Variants in RORA observed in about 807,000 individuals in gnomAD.
RORA encodes the protein nuclear receptor ROR-alpha.
Under a neutral mutation model 69.5 loss-of-function variants are expected in RORA, and 7 were observed. That is an observed-to-expected ratio of 0.10 (90% CI 0.06 to 0.19). The LOEUF (loss-of-function observed/expected upper bound fraction) is 0.19. RORA is among the 10% of genes least tolerant of loss of function. The probability of loss-of-function intolerance (pLI) is 1.00; values close to 1 mark genes in which losing one functional copy is unlikely to be tolerated. For synonymous variants in RORA, 261 were observed against 240.8 expected (o/e 1.08, Z -0.78); for missense variants, 457 against 663.0 (o/e 0.69, Z 3.41).
chr15:61,208,138 G>T (rs1487086609), intron 1 of RORA, among the ~76,000 whole-genome samples: 1 of 152,198 alleles, frequency 6.6e-6, no homozygotes, highest in Non-Finnish European at 1.5e-5. Flanking sequence ...CCAAGGGTAG[G>T]AAAGGAAGAG....
At position 61,094,110 on chromosome 15, in the gene RORA, T is replaced by C. The variant is rs552301508; in HGVS notation, c.166+134943A>G. Among the ~76,000 whole-genome samples the C allele has an allele frequency of 2.6e-4, 40 of 152,286 alleles. No homozygotes were observed. In the South Asian group the frequency reaches 8.1e-3, roughly 31 times the overall value. Reference sequence around the variant, plus strand: ...TGGCAGGTCAAGATGTTGATATTCATTAGAAAGACTTAGCCTTTTCTCCTA... The same window carrying C: ...TGGCAGGTCAAGATGTTGATATTCACTAGAAAGACTTAGCCTTTTCTCCTA... On this transcript the variant is annotated intron_variant, in intron 1 of 10. Coordinates refer to ENST00000335670, the MANE Select transcript of RORA (RefSeq NM_134261.3).
Position 60,511,973 on chromosome 15 carries a change from G to T in RORA, c.425-352C>A. On this transcript the variant is annotated intron_variant, in intron 4 of 10. Coordinates refer to ENST00000335670, the MANE Select transcript of RORA (RefSeq NM_134261.3). The surrounding 1 kb of genome is among the most constrained non-coding windows in gnomAD (Gnocchi z 6.4). ...TGTTCACTCTCCCCCCGTGCAGCTG[G>T]CTTAGGCTACCTCTTTCTCTCCCAC... The T allele has an allele frequency of 4.4e-6, 1 of 226,436 alleles. No individual in the cohort carries two copies. Among genetic ancestry groups the T allele is most frequent in the South Asian group, 7.0e-5 (1 of 14,210 alleles). The allele number at this position is 226,436 out of a possible 1,614,324, so 14.0% of individuals were successfully genotyped here. A position where few individuals can be genotyped will look rare whatever the true frequency, so the allele number is the denominator to read the frequency against.
chr15:60,531,948 C>T lies in RORA; in HGVS notation c.197-97G>A. 1 of 681,058 alleles carries T rather than the reference C, an allele frequency of 1.5e-6. No homozygotes were observed. The highest frequency in any genetic ancestry group is 2.9e-5 in the East Asian group (1 of 34,036). 42.2% of individuals were successfully genotyped at this position (681,058 alleles called of 1,614,324 possible). A position where few individuals can be genotyped will look rare whatever the true frequency, so the allele number is the denominator to read the frequency against. On this transcript the variant is annotated intron_variant, in intron 2 of 10. Transcript: ENST00000335670. The surrounding 1 kb of genome is among the most constrained non-coding windows in gnomAD (Gnocchi z 4.8). ...CATTTGTATAGTGAAAACTAATAACCTGCTAAACATTATACTGCATTAACT... is the reference window on the plus strand; with the variant it reads ...CATTTGTATAGTGAAAACTAATAACTTGCTAAACATTATACTGCATTAACT...
At chr15:60,855,702 C>T (rs1169844526) in intron 1 of RORA, among the ~76,000 whole-genome samples, 4 of 152,336 alleles carry the variant, frequency 2.6e-5, no homozygotes, top group South Asian at 4.1e-4. Context: ...CTCACTGCAG[C>T]CTCCGCCTCC....
intron 1 of RORA, among the ~76,000 whole-genome samples, chr15:60,855,496 T>C (rs1241796141): frequency 1.3e-5 from 2 of 152,218 alleles, no homozygotes; most frequent in Non-Finnish European, 1.5e-5. Context: ...ACAGCAGAAT[T>C]AGAGGCAGTG....
At chr15:61,021,908 G>C (rs1895545495) in intron 1 of RORA, among the ~76,000 whole-genome samples, 1 of 152,206 alleles carries the variant, frequency 6.6e-6, no homozygotes, top group Non-Finnish European at 1.5e-5. Flanking sequence ...CTGGGATTTT[G>C]AGGGCGGGCA....
At chr15:61,019,825 C>T (rs574062204) in intron 1 of RORA, among the ~76,000 whole-genome samples, 1 of 152,192 alleles carries the variant, frequency 6.6e-6, no homozygotes, top group Admixed American at 6.5e-5. Flanking sequence ...TGGCTGGTCA[C>T]TGACGGGGCC....
chr15:61,007,514 G>T (rs567884495), intron 1 of RORA, among the ~76,000 whole-genome samples: 120 of 151,964 alleles, frequency 7.9e-4, no homozygotes, highest in Non-Finnish European at 1.4e-3. Flanking sequence ...CAATACGTTT[G>T]TGTTGTTTTG....
chr15:60,517,930 C>G (rs1345429555), intron 3 of RORA, among the ~76,000 whole-genome samples: 1 of 152,216 alleles, frequency 6.6e-6, no homozygotes, highest in Non-Finnish European at 1.5e-5. Context: ...GATATCTCTT[C>G]TGACGACCAA....
intron 1 of RORA, among the ~76,000 whole-genome samples, chr15:60,954,693 A>C (rs1388796225): frequency 6.6e-6 from 1 of 152,216 alleles, no homozygotes; most frequent in Non-Finnish European, 1.5e-5. Flanking sequence ...TGAAATGCCA[A>C]ATCTTCTTGA....
intron 1 of RORA, among the ~76,000 whole-genome samples, chr15:60,861,049 C>T (rs2073431642): frequency 6.6e-6 from 1 of 152,138 alleles, no homozygotes; most frequent in Non-Finnish European, 1.5e-5. Context: ...TATCCTTGAC[C>T]ATCATGCTCC....
At chr15:60,692,853 C>G (rs952676951) in intron 1 of RORA, among the ~76,000 whole-genome samples, 1 of 152,196 alleles carries the variant, frequency 6.6e-6, no homozygotes, top group Admixed American at 6.5e-5. Flanking sequence ...GGATTTACAG[C>G]TGAATTCTAC....
intron 2 of RORA, among the ~76,000 whole-genome samples, chr15:60,591,279 TGCGGGCGCACAA>T (rs1249456553): frequency 6.6e-6 from 1 of 152,106 alleles, no homozygotes; most frequent in Non-Finnish European, 1.5e-5. Flanking sequence ...GCGAGGAACC[TGCGGGCGCACAA>T]GCGGGCGGCG....
chr15:61,108,652 C>T (rs2078974095), intron 1 of RORA, among the ~76,000 whole-genome samples: 1 of 152,162 alleles, frequency 6.6e-6, no homozygotes, highest in Non-Finnish European at 1.5e-5. Flanking sequence ...CTAAAATGCA[C>T]AGTATCAAAA....
chr15:61,045,720 G>C lies in RORA; in HGVS notation c.166+183333C>G, dbSNP rs782943. Among the ~76,000 whole-genome samples, 347 of 152,322 alleles carry C rather than the reference G, an allele frequency of 2.3e-3. 1 individual carries two copies. Among genetic ancestry groups the C allele is most frequent in the African/African-American group, 7.9e-3 (330 of 41,558 alleles). On this transcript the variant is annotated intron_variant, in intron 1 of 10. Coordinates refer to ENST00000335670, the MANE Select transcript of RORA (RefSeq NM_134261.3). ...GAGAGGCTGGGCCTCAAGGCATACT[G>C]CAGTGTCCAGCAAATCAAAAATCTG...
intron 1 of RORA, among the ~76,000 whole-genome samples, chr15:61,090,512 A>G (rs1278156876): frequency 6.6e-6 from 1 of 152,224 alleles, no homozygotes; most frequent in African/African-American, 2.4e-5. Flanking sequence ...CTCATTGTGT[A>G]ATTTGGGAAT....
At chr15:60,559,122 TA>T (rs769503847) in intron 2 of RORA, among the ~76,000 whole-genome samples, 4 of 151,316 alleles carry the variant, frequency 2.6e-5, no homozygotes, top group Non-Finnish European at 5.9e-5. Context: ...CATCAAAGTG[TA>T]ATACGAAATA....
intron 2 of RORA, among the ~76,000 whole-genome samples, chr15:60,548,782 C>T (rs953161177): frequency 3.3e-5 from 5 of 152,074 alleles, no homozygotes; most frequent in African/African-American, 7.2e-5. Context: ...GGACTACAGG[C>T]GCCCACCACC....
At chr15:61,133,505 G>A (rs1229543429) in intron 1 of RORA, among the ~76,000 whole-genome samples, 1 of 152,196 alleles carries the variant, frequency 6.6e-6, no homozygotes, top group Admixed American at 6.5e-5. Context: ...AAGAAACCCG[G>A]AGAGTTGAGG....
Sources: gnomAD v4.1 joint callset for allele counts (sites outside exome capture counted in the v4.1 genomes callset) on GRCh38, gnomAD v4.1.1 for gene constraint, Gnocchi (gnomAD v3.1) non-coding constraint, MANE v1.5 for transcripts, NCBI Gene and HGNC (gene_info 2026-07-23, HGNC 2026-07-21) for gene names.